COPG2: variants seen among roughly 807,000 people sequenced by gnomAD.
COPG2 encodes the protein coat protein complex I subunit gamma 2, also known as coatomer subunit gamma-2.
A neutral mutation model predicts 46.3 loss-of-function variants in COPG2; 37 were observed. That is an observed-to-expected ratio of 0.80 (90% CI 0.61 to 1.05). The LOEUF is 1.05. COPG2 is among the 50% of genes least tolerant of loss of function. The pLI is 0.00. For synonymous variants in COPG2, 159 were observed against 129.7 expected (o/e 1.23, Z -1.53); for missense variants, 427 against 387.8 (o/e 1.10, Z -0.85).
intron 5 of COPG2, among the ~76,000 whole-genome samples, chr7:130,633,073 C>T (rs1410494481): frequency 6.6e-6 from 1 of 152,156 alleles, no homozygotes; most frequent in East Asian, 1.9e-4. Flanking sequence ...AGGACATGAA[C>T]TCATCCTTTT....
rs2116387064 is a variant in COPG2 at position 130,551,261 on chromosome 7, T to G, written c.1628A>C (p.Asn543Thr). The part of the protein sequence containing the change: ...NVLQQRQMAL[N>T]ATYIFNGLTV... ...CTGACCATTAAAGATATATGTGGCATTTAGTGCCATCTGCCTCTGCTGCAG... is the reference window on the plus strand; with the variant it reads ...CTGACCATTAAAGATATATGTGGCAGTTAGTGCCATCTGCCTCTGCTGCAG... The change falls in exon 16 of 24, where the codon AAT becomes ACT. Residue 543 changes from asparagine to threonine, a missense_variant. Coordinates refer to ENST00000425248, the MANE Select transcript of COPG2 (RefSeq NM_012133.6). The G allele has an allele frequency of 2.5e-6, 1 of 398,486 alleles. No individual in the cohort carries two copies. The highest frequency in any genetic ancestry group is 3.6e-5 in the East Asian group (1 of 28,060). 24.7% of individuals were successfully genotyped at this position (398,486 alleles called of 1,614,324 possible).
chr7:130,528,176 G>T (rs1471248755), intron 20 of COPG2, among the ~76,000 whole-genome samples: 1 of 152,064 alleles, frequency 6.6e-6, no homozygotes, highest in Non-Finnish European at 1.5e-5. Flanking sequence ...GGGTGCGTTT[G>T]TACCCGTGGG....
chr7:130,585,030 C>G (rs1794237092), intron 9 of COPG2, among the ~76,000 whole-genome samples: 1 of 151,908 alleles, frequency 6.6e-6, no homozygotes, highest in Admixed American at 6.6e-5. Flanking sequence ...GCTAAAAGAA[C>G]AAATCTGGAG....
chr7:130,618,999 G>A (rs1046418934), intron 5 of COPG2, among the ~76,000 whole-genome samples: 12 of 151,982 alleles, frequency 7.9e-5, no homozygotes, highest in African/African-American at 2.9e-4. Context: ...ATCACAATAT[G>A]TAGCATATAG....
At chr7:130,626,335 G>A (rs543045477) in intron 5 of COPG2, among the ~76,000 whole-genome samples, 3 of 150,536 alleles carry the variant, frequency 2.0e-5, no homozygotes, top group South Asian at 2.1e-4. Flanking sequence ...TGCCAGCCCC[G>A]AGACAACTTC....
At chr7:130,542,791 G>A in intron 20 of COPG2, among the ~76,000 whole-genome samples, 1 of 152,230 alleles carries the variant, frequency 6.6e-6, no homozygotes, top group Non-Finnish European at 1.5e-5. Context: ...GGTAGGAGGG[G>A]AGATAACCTT....
At chr7:130,512,686 A>G (rs1554441182) in intron 20 of COPG2, among the ~76,000 whole-genome samples, 1 of 152,018 alleles carries the variant, frequency 6.6e-6, no homozygotes, top group Non-Finnish European at 1.5e-5. Flanking sequence ...TGGAGGTTTC[A>G]GTGAGCCAAA....
At chr7:130,560,831 A>G (rs967620494) in intron 12 of COPG2, among the ~76,000 whole-genome samples, 3 of 152,224 alleles carry the variant, frequency 2.0e-5, no homozygotes, top group Non-Finnish European at 2.9e-5. Context: ...GTAAAATCTA[A>G]AACCATAAAG....
chr7:130,556,408 C>T (rs1380471515), intron 12 of COPG2, among the ~76,000 whole-genome samples: 4 of 152,094 alleles, frequency 2.6e-5, no homozygotes, highest in Admixed American at 1.3e-4. Flanking sequence ...TAGCGCCTAA[C>T]TTGCAAGATG....
chr7:130,646,471 T>A (rs61411401), intron 5 of COPG2, among the ~76,000 whole-genome samples: 29,439 of 152,180 alleles, frequency 0.19, 3,041 homozygotes, highest in Middle Eastern at 0.25. Context: ...GCAGAATTGA[T>A]GTTGCTCTGA....
In COPG2 at chr7:130,621,743, G is replaced by A. The variant is rs559637396; in HGVS notation, c.324-4678C>T. On this transcript the variant is annotated intron_variant, in intron 5 of 23. Coordinates refer to ENST00000425248, the MANE Select transcript of COPG2 (RefSeq NM_012133.6). The stretch of plus-strand genomic sequence containing the variant: ...GTGAATAACAAGGTCAGGAGTTCGC[G>A]ACCAGCCTGGCCAACATAGTGAAAC... Among the ~76,000 whole-genome samples the A allele has an allele frequency of 2.6e-5, 4 of 151,986 alleles. No homozygotes were observed. The East Asian group carries it at 7.8e-4, about 29-fold the overall frequency.
rs1011191238 is a variant in COPG2, at chr7:130,553,129, C to T, written c.1469-699G>A. On this transcript the variant is annotated intron_variant, in intron 14 of 23. Transcript: ENST00000425248. ...AGTATTAGAGGCAGAGAAAATAACACGTTCGAATGGCCCCTGCCCAGAGAA... is the reference window on the plus strand; with the variant it reads ...AGTATTAGAGGCAGAGAAAATAACATGTTCGAATGGCCCCTGCCCAGAGAA... Among the ~76,000 whole-genome samples, 78 of 152,218 alleles carry T rather than the reference C, an allele frequency of 5.1e-4. 1 individual carries two copies. The highest frequency in any genetic ancestry group is 1.8e-3 in the African/African-American group (73 of 41,538).
rs1205138103 is a variant in COPG2, at chr7:130,650,944, C to T, written c.323+1925G>A. On this transcript the variant is annotated intron_variant, in intron 5 of 23. Coordinates refer to ENST00000425248, the MANE Select transcript of COPG2 (RefSeq NM_012133.6). ...CAGCTACTCCAAGCCTCTAGACTTA[C>T]GATTATATGAGAAAAAATAAACTCC... Among the ~76,000 whole-genome samples, 6 of 152,254 alleles carry T rather than the reference C, an allele frequency of 3.9e-5. No individual in the cohort carries two copies. In the East Asian group the frequency reaches 5.8e-4, roughly 15 times the overall value.
chr7:130,626,809 T>C (rs1460325084), intron 5 of COPG2, among the ~76,000 whole-genome samples: 1 of 152,226 alleles, frequency 6.6e-6, no homozygotes. Context: ...AAGTGTATGT[T>C]TGGAACACTG....
chr7:130,522,730 C>CA (rs1232374591), intron 20 of COPG2, among the ~76,000 whole-genome samples: 4 of 151,646 alleles, frequency 2.6e-5, no homozygotes, highest in Admixed American at 6.6e-5. Flanking sequence ...GCGAAAAACA[C>CA]AAAAAATGCT....
chr7:130,599,981 C>A (rs1034439356), intron 9 of COPG2, among the ~76,000 whole-genome samples: 8 of 152,148 alleles, frequency 5.3e-5, no homozygotes, highest in Non-Finnish European at 7.3e-5. Context: ...ACTGTATATT[C>A]TCTCTTAGAT....
At chr7:130,633,724 T>C (rs1326310811) in intron 5 of COPG2, among the ~76,000 whole-genome samples, 1 of 152,248 alleles carries the variant, frequency 6.6e-6, no homozygotes, top group Non-Finnish European at 1.5e-5. Context: ...TTTAGTTTAA[T>C]TAGATCCCAT....
At chr7:130,551,179 T>C (rs1467286472) in intron 16 of COPG2, 62 bp downstream of exon 16, 17 of 397,732 alleles carry the variant, frequency 4.3e-5, no homozygotes, top group Middle Eastern at 6.3e-4. Flanking sequence ...ATGCAAATCA[T>C]AAAATATGCT....
chr7:130,538,051 A>G (rs1304383544), intron 20 of COPG2, among the ~76,000 whole-genome samples: 13 of 152,030 alleles, frequency 8.6e-5, no homozygotes, highest in South Asian at 2.1e-4. Context: ...CAGTACAGCA[A>G]GTTGAGGACA....
Sources: gnomAD v4.1 joint callset for allele counts (sites outside exome capture counted in the v4.1 genomes callset) on GRCh38, gnomAD v4.1.1 for gene constraint, MANE v1.5 for transcripts, NCBI Gene and HGNC (gene_info 2026-07-23, HGNC 2026-07-21) for gene names.